PPP1R12B: variants seen among roughly 807,000 people sequenced by gnomAD.
PPP1R12B encodes the protein myosin phosphatase target subunit 2.
Under a neutral mutation model 126.1 loss-of-function variants are expected in PPP1R12B, and 76 were observed. That is an observed-to-expected ratio of 0.60 (90% confidence interval 0.50 to 0.73). The LOEUF is 0.73. PPP1R12B is among the 30% of genes least tolerant of loss of function. The probability of loss-of-function intolerance (pLI) is 0.00; values close to 1 mark genes in which losing one functional copy is unlikely to be tolerated. For missense variants in PPP1R12B, 1,052 were observed against 1,205.1 expected (o/e 0.87, Z 1.88); for synonymous variants, 356 against 434.7 (o/e 0.82, Z 2.25).
chr1:202,521,459 C>T (rs1682779174), intron 18 of PPP1R12B, among the ~76,000 whole-genome samples: 1 of 152,002 alleles, frequency 6.6e-6, no homozygotes, highest in Non-Finnish European at 1.5e-5. Flanking sequence ...AATATATGTA[C>T]AGAAGAAGTT....
intron 18 of PPP1R12B, among the ~76,000 whole-genome samples, chr1:202,510,945 T>C (rs975686719): frequency 9.6e-5 from 14 of 146,490 alleles, no homozygotes; most frequent in African/African-American, 3.0e-4. Flanking sequence ...TAATTTATAA[T>C]ATAATTTATA....
chr1:202,355,803 AT>A, intron 1 of PPP1R12B, among the ~76,000 whole-genome samples: 1 of 152,328 alleles, frequency 6.6e-6, no homozygotes. Flanking sequence ...GTCTGAAAGA[AT>A]TGTGTTATTC....
At chr1:202,438,755 G>A in intron 10 of PPP1R12B, 2 of 714,404 alleles carry the variant, frequency 2.8e-6, no homozygotes, top group Non-Finnish European at 5.1e-6. Flanking sequence ...ACAGCATGTG[G>A]GAGCTGGTGT....
rs1656494003 is a variant in PPP1R12B, at chr1:202,353,704, G to A, written c.291+4562G>A. ...GGATCACTGCAGCTGCAACCTCTCA[G>A]GCTCAAGTGATCCTCCCCACCTCAG... On this transcript the variant is annotated intron_variant, in intron 1 of 23. Coordinates refer to ENST00000608999, the MANE Select transcript of PPP1R12B (RefSeq NM_002481.4). Among the ~76,000 whole-genome samples, 3 of 149,206 alleles carry A rather than the reference G, an allele frequency of 2.0e-5. No homozygotes were observed. The Admixed American group carries it at 2.0e-4, about 10-fold the overall frequency.
At position 202,555,001 on chromosome 1, in the gene PPP1R12B, G is replaced by A. The variant is rs977654821; in HGVS notation, c.2491-3876G>A. 2.0e-5 allele frequency among the ~76,000 whole-genome samples: 3 copies of A among 151,958 alleles called. No homozygotes were observed. The South Asian group carries it at 6.2e-4, about 32-fold the overall frequency. On this transcript the variant is annotated intron_variant, in intron 18 of 23. Coordinates refer to ENST00000608999, the MANE Select transcript of PPP1R12B (RefSeq NM_002481.4). ...ATCTAGGCCTCTCGAAAACCCTATG[G>A]AATCTGCCTTTTCATGTCCAGGAAC...
At chr1:202,560,915 T>C (rs756108508) in intron 19 of PPP1R12B, among the ~76,000 whole-genome samples, 6 of 152,150 alleles carry the variant, frequency 3.9e-5, no homozygotes, top group Non-Finnish European at 8.8e-5. Context: ...AAAAGCCCGA[T>C]GACGAGTTAG....
chr1:202,527,064 GAAATA>G (rs1412820372), intron 18 of PPP1R12B, among the ~76,000 whole-genome samples: 1 of 150,028 alleles, frequency 6.7e-6, no homozygotes, highest in Non-Finnish European at 1.5e-5. Context: ...TAGAAGGAAT[GAAATA>G]AAATAAAGAT....
intron 18 of PPP1R12B, among the ~76,000 whole-genome samples, chr1:202,516,156 A>G (rs1682120624): frequency 6.6e-6 from 1 of 152,248 alleles, no homozygotes; most frequent in East Asian, 1.9e-4. Flanking sequence ...GGCACATAGT[A>G]AATTATCAAT....
Position 202,422,709 on chromosome 1 carries a change from ATCT to A in PPP1R12B, c.519_521del (p.Leu174del), listed in dbSNP as rs781745268. 2.1e-5 allele frequency: 34 copies of A among 1,613,804 alleles called. No homozygotes were observed. The Middle Eastern group carries it at 1.2e-3, about 55-fold the overall frequency. ...CTTGCAGAAGAGCCAGCCATGAAGG[ATCT>A]TCTTCTGGAGCAAGTAAAGAAGCAA... On this transcript the variant is annotated inframe_deletion, in exon 3 of 24. Coordinates refer to ENST00000608999, the MANE Select transcript of PPP1R12B (RefSeq NM_002481.4).
At position 202,591,470 on chromosome 1, in the gene PPP1R12B, C is replaced by T. The variant is rs1690115104; in HGVS notation, c.*10910C>T. On this transcript the variant is annotated 3_prime_UTR_variant, in exon 24 of 24. Coordinates refer to ENST00000608999, the MANE Select transcript of PPP1R12B (RefSeq NM_002481.4). ...GAAGCCCCCAGGCCCCTCTACTCAC[C>T]TCTGCTACTTGGTGCAACTGGCTGG... The T allele has an allele frequency of 6.6e-6, 1 of 152,496 alleles. No homozygotes were observed. The highest frequency in any genetic ancestry group is 6.5e-5 in the Admixed American group (1 of 15,286). The allele number at this position is 152,496 out of a possible 1,614,324, so 9.4% of individuals were successfully genotyped here. A position where few individuals can be genotyped will look rare whatever the true frequency, so the allele number is the denominator to read the frequency against.
chr1:202,467,125 T>A (rs189799585), intron 13 of PPP1R12B, among the ~76,000 whole-genome samples: 1 of 152,064 alleles, frequency 6.6e-6, no homozygotes, highest in Non-Finnish European at 1.5e-5. Flanking sequence ...ATCTTTCTTA[T>A]ATGCAAATCT....
At chr1:202,517,530 T>C (rs909675023) in intron 18 of PPP1R12B, among the ~76,000 whole-genome samples, 11 of 152,200 alleles carry the variant, frequency 7.2e-5, no homozygotes, top group African/African-American at 2.7e-4. Context: ...TAGATAGTGA[T>C]TATTAGAAAG....
At chr1:202,572,386 C>G (rs1420018269) in intron 23 of PPP1R12B, among the ~76,000 whole-genome samples, 5 of 152,204 alleles carry the variant, frequency 3.3e-5, no homozygotes, top group Non-Finnish European at 7.4e-5. Flanking sequence ...ATTTTTCTAA[C>G]TCTACCAAAT....
At chr1:202,437,254 G>T (rs931277947) in intron 9 of PPP1R12B, among the ~76,000 whole-genome samples, 3 of 151,988 alleles carry the variant, frequency 2.0e-5, no homozygotes, top group Non-Finnish European at 4.4e-5. Context: ...TTGCTTGGGC[G>T]CAGGAGGTCA....
At chr1:202,408,802 T>C (rs773183707) in intron 1 of PPP1R12B, among the ~76,000 whole-genome samples, 1 of 151,914 alleles carries the variant, frequency 6.6e-6, no homozygotes, top group Non-Finnish European at 1.5e-5. Context: ...TGTACACATA[T>C]CTCTTTGAGA....
chr1:202,377,229 G>C (rs1661311552), intron 1 of PPP1R12B, among the ~76,000 whole-genome samples: 1 of 152,130 alleles, frequency 6.6e-6, no homozygotes, highest in African/African-American at 2.4e-5. Context: ...ATTGGGAAAG[G>C]CATGGTTCCT....
At chr1:202,530,277 A>G (rs557382945) in intron 18 of PPP1R12B, among the ~76,000 whole-genome samples, 2 of 152,198 alleles carry the variant, frequency 1.3e-5, no homozygotes, top group East Asian at 3.9e-4. Context: ...AATCATTGTG[A>G]CAATCAGTGT....
intron 18 of PPP1R12B, among the ~76,000 whole-genome samples, chr1:202,528,957 T>G (rs1044942670): frequency 6.6e-6 from 1 of 152,052 alleles, no homozygotes; most frequent in Non-Finnish European, 1.5e-5. Context: ...GACAGAACCT[T>G]AAGGAAGGGG....
chr1:202,552,273 C>G (rs535775940), intron 18 of PPP1R12B, among the ~76,000 whole-genome samples: 154 of 152,290 alleles, frequency 1.0e-3, no homozygotes, highest in African/African-American at 3.6e-3. Context: ...AGATAAATTA[C>G]TAGAACAATG....
Sources: gnomAD v4.1 joint callset for allele counts (sites outside exome capture counted in the v4.1 genomes callset) on GRCh38, gnomAD v4.1.1 for gene constraint, MANE v1.5 for transcripts, NCBI Gene and HGNC (gene_info 2026-07-23, HGNC 2026-07-21) for gene names.